The following CHRNB4 variants were observed in gnomAD, a reference collection of about 807,000 sequenced individuals.
CHRNB4 encodes the protein cholinergic receptor nicotinic beta 4 subunit.
CHRNB4 carries 23 observed loss-of-function variants against 40.4 expected under a neutral mutation model. That is an observed-to-expected ratio of 0.57 (90% CI 0.41 to 0.81). The LOEUF (loss-of-function observed/expected upper bound fraction) is 0.81, where lower values mean the gene tolerates loss of function less well. Ranked by LOEUF, CHRNB4 falls within the 30% of genes least tolerant of loss-of-function variation. CHRNB4 has a pLI of 0.00. For synonymous variants in CHRNB4, 285 were observed against 274.4 expected, an observed-to-expected ratio of 1.04 and a Z score of -0.38; for missense variants, 568 against 670.6, an observed-to-expected ratio of 0.85 and a Z score of 1.69.
At chr15:78,636,856 G>A (rs749631265) in intron 1 of CHRNB4, among the ~76,000 whole-genome samples, 8 of 152,126 alleles carry the variant, frequency 5.3e-5, no homozygotes, top group African/African-American at 1.4e-4. Context: ...ACTACATTTC[G>A]AGGGTAACAG....
At chr15:78,649,551 T>A in intron 6 of CHRNB4, 1 of 322,338 alleles carries the variant, frequency 3.1e-6, no homozygotes, top group Admixed American at 4.5e-5. Context: ...AAGCCTAAAA[T>A]ATCTGCTATA....
intron 2 of CHRNB4, chr15:78,634,756 G>A: frequency 2.2e-6 from 1 of 455,992 alleles, no homozygotes; most frequent in South Asian, 1.5e-5. Context: ...ATGGGGACAT[G>A]GGAAGGTTTA....
intron 5 of CHRNB4, among the ~76,000 whole-genome samples, chr15:78,654,451 A>G (rs2054196380): frequency 6.6e-6 from 1 of 152,306 alleles, no homozygotes; most frequent in East Asian, 1.9e-4. Flanking sequence ...GGATTAGGAG[A>G]GACTGCAGAG....
intron 5 of CHRNB4, 145 bp from the exon 6 acceptor site, chr15:78,625,436 G>A (rs1170310783): frequency 4.2e-6 from 3 of 707,618 alleles, no homozygotes; most frequent in African/African-American, 3.5e-5. Context: ...TGAGTCCCAG[G>A]CTGGCCTCCC....
In CHRNB4 at chr15:78,635,571, G is replaced by A. The variant is rs889609314; in HGVS notation, c.72C>T (p.Ala24=). 6.2e-7 allele frequency: 1 copy of A among 1,614,082 alleles called. No individual in the cohort carries two copies. The highest frequency in any genetic ancestry group is 1.3e-5 in the African/African-American group (1 of 75,024). ...ALCGRGNCRV[A]NAEEKLMDDL... is the part of the protein sequence containing the mutation. ...CGTCCATCAGCTTTTCCTCCGCATT[G>A]GCCACGCGGCAGTTCCCTGAGAAAA... Residue 24 remains alanine (A), a synonymous_variant, in exon 2 of 6, where the codon GCC becomes GCT. Transcript: ENST00000261751.
intron 6 of CHRNB4, chr15:78,649,442 A>C: frequency 2.2e-6 from 1 of 454,524 alleles, no homozygotes; most frequent in Non-Finnish European, 4.4e-6. Flanking sequence ...ATCTGGAGCT[A>C]AGAAGAATGG....
chr15:78,654,146 C>A (rs2054194030), intron 5 of CHRNB4, among the ~76,000 whole-genome samples: 1 of 152,184 alleles, frequency 6.6e-6, no homozygotes, highest in Non-Finnish European at 1.5e-5. Context: ...CAGGATCCCT[C>A]CTCTGGATGA....
chr15:78,629,150 G>C lies in CHRNB4; in HGVS notation c.1155C>G (p.Asn385Lys), dbSNP rs2053732215. 1.2e-6 allele frequency: 2 copies of C among 1,614,036 alleles called. No individual in the cohort carries two copies. Among genetic ancestry groups the C allele is most frequent in the East Asian group, 2.2e-5 (1 of 44,894 alleles). The part of the protein sequence containing the change: ...TSTSPSNFYG[N>K]SMYFVNPASA... ...AGGCGGGGTTCACAAAGTACATGGA[G>C]TTCCCATAGAAGTTGGAGGGGCTGG... The change falls in exon 5 of 6, where the codon AAC becomes AAG. Residue 385 changes from asparagine to lysine, a missense_variant. Around this residue, in one of 4 missense-constraint regions of CHRNB4, gnomAD observed 242 missense variants for 274.9 expected, o/e 0.88. Transcript: ENST00000261751. The surrounding 1 kb of genome is among the most constrained non-coding windows in gnomAD (Gnocchi z 6.8).
At chr15:78,659,114 G>T (rs1014540827) in intron 1 of CHRNB4, among the ~76,000 whole-genome samples, 1 of 152,166 alleles carries the variant, frequency 6.6e-6, no homozygotes, top group African/African-American at 2.4e-5. Context: ...GGGGGTGTAA[G>T]ATGGGGAGAC....
intron 7 of CHRNB4, among the ~76,000 whole-genome samples, chr15:78,648,935 C>A (rs1185549047): frequency 2.6e-5 from 4 of 152,024 alleles, no homozygotes; most frequent in Non-Finnish European, 4.4e-5. Flanking sequence ...TGCCACCACA[C>A]CTGGCTAATT....
rs564523976 is a variant in CHRNB4, at chr15:78,624,899, A to G, written c.*234T>C. On this transcript the variant is annotated 3_prime_UTR_variant, in exon 6 of 6. Transcript: ENST00000261751. ...GTGCAGGGAAGGAAGACAGGCCAGA[A>G]TTGAACTGTCTGAAGCTCCCTCCTA... 2.0e-4 allele frequency: 289 copies of G among 1,410,806 alleles called. 1 individual carries two copies. The South Asian group carries it at 3.2e-3, about 16-fold the overall frequency. The allele number at this position is 1,410,806 out of a possible 1,614,324, so 87.4% of individuals were successfully genotyped here.
chr15:78,659,248 G>A (rs1259159571), intron 1 of CHRNB4, among the ~76,000 whole-genome samples: 1 of 152,100 alleles, frequency 6.6e-6, no homozygotes, highest in African/African-American at 2.4e-5. Flanking sequence ...GGGCAACATG[G>A]TTAAACCCCA....
chr15:78,643,128 A>G (rs1567135395), upstream of CHRNB4, among the ~76,000 whole-genome samples: 1 of 151,518 alleles, frequency 6.6e-6, no homozygotes, highest in East Asian at 1.9e-4. Flanking sequence ...ATGGATTCCA[A>G]AATTTTAAAT....
intron 2 of CHRNB4, among the ~76,000 whole-genome samples, chr15:78,632,564 G>T (rs1323062407): frequency 6.6e-6 from 1 of 152,014 alleles, no homozygotes; most frequent in Non-Finnish European, 1.5e-5. Flanking sequence ...ATGCATCTCA[G>T]CCTCCCAAAG....
chr15:78,635,579 G>GGCA lies in CHRNB4; in HGVS notation c.61_63dup (p.Cys21dup), dbSNP rs755051373. On this transcript the variant is annotated inframe_insertion, in exon 2 of 6. Coordinates refer to ENST00000261751, the MANE Select transcript of CHRNB4 (RefSeq NM_000750.5). The stretch of plus-strand genomic sequence containing the variant: ...AGCTTTTCCTCCGCATTGGCCACGC[G>GGCA]GCAGTTCCCTGAGAAAACACACAGT... 120 of 1,613,932 alleles carry GGCA rather than the reference G, an allele frequency of 7.4e-5. No individual in the cohort carries two copies. Among genetic ancestry groups the GGCA allele is most frequent in the Middle Eastern group, 6.6e-4 (4 of 6,082 alleles).
chr15:78,629,395 C>G lies in CHRNB4; in HGVS notation c.910G>C (p.Val304Leu), dbSNP rs758697498. The stretch of plus-strand genomic sequence containing the variant: ...GTGACGATGGAGAAGGTGACCAGCA[C>G]CATGGTGAACATGAGGTACTTGCCG... ...LIGKYLMFTM[V>L]LVTFSIVTSV... Residue 304 changes from valine (V) to leucine (L), a missense_variant, in exon 5 of 6, where the codon GTG becomes CTG. Val to Leu is a conservative substitution (Grantham distance 32). Around this residue, in one of 4 missense-constraint regions of CHRNB4, gnomAD observed 242 missense variants for 274.9 expected, o/e 0.88. Coordinates refer to ENST00000261751, the MANE Select transcript of CHRNB4 (RefSeq NM_000750.5). The surrounding 1 kb of genome is among the most constrained non-coding windows in gnomAD (Gnocchi z 6.8). The G allele has an allele frequency of 6.2e-7, 1 of 1,613,928 alleles. No homozygotes were observed. Among genetic ancestry groups the G allele is most frequent in the Non-Finnish European group, 8.5e-7 (1 of 1,180,016 alleles).
Position 78,629,954 on chromosome 15 carries a change from G to C in CHRNB4, c.360-9C>G. On this transcript the variant is annotated splice_polypyrimidine_tract_variant and intron_variant, in intron 4 of 5. Coordinates refer to ENST00000261751, the MANE Select transcript of CHRNB4 (RefSeq NM_000750.5). The surrounding 1 kb of genome is among the most constrained non-coding windows in gnomAD (Gnocchi z 6.8). ...CATAGGTCCCGTCGGCGCTGGGCAGGGTCAGGGCATGGAGAACATCGTGAA... is the reference window on the plus strand; with the variant it reads ...CATAGGTCCCGTCGGCGCTGGGCAGCGTCAGGGCATGGAGAACATCGTGAA... 6.4e-7 allele frequency: 1 copy of C among 1,554,378 alleles called. No individual in the cohort carries two copies. Among genetic ancestry groups the C allele is most frequent in the Non-Finnish European group, 8.7e-7 (1 of 1,155,790 alleles).
chr15:78,634,305 T>C (rs1434016931), intron 2 of CHRNB4, among the ~76,000 whole-genome samples: 1 of 152,110 alleles, frequency 6.6e-6, no homozygotes, highest in Non-Finnish European at 1.5e-5. Context: ...TCACCCTCAC[T>C]AGGGCAGCAG....
Position 78,629,438 on chromosome 15 carries a change from G to A in CHRNB4, c.867C>T (p.Ser289=), listed in dbSNP as rs1165252545. 7 of 1,613,986 alleles carry A rather than the reference G, an allele frequency of 4.3e-6. No individual in the cohort carries two copies. The highest frequency in any genetic ancestry group is 5.9e-6 in the Non-Finnish European group (7 of 1,179,992). ...ACTTGCCGATGAGAGGCACATCGAGGGAGGTGGGTGGCACGATCTTGGAGA... is the reference window on the plus strand; with the variant it reads ...ACTTGCCGATGAGAGGCACATCGAGAGAGGTGGGTGGCACGATCTTGGAGA... ...LLISKIVPPT[S]LDVPLIGKYL... The change falls in exon 5 of 6, where the codon TCC becomes TCT. Residue 289 remains serine (S), a synonymous_variant. Coordinates refer to ENST00000261751, the MANE Select transcript of CHRNB4 (RefSeq NM_000750.5). The surrounding 1 kb of genome is among the most constrained non-coding windows in gnomAD (Gnocchi z 6.8).
Sources: gnomAD v4.1 joint callset for allele counts (sites outside exome capture counted in the v4.1 genomes callset) on GRCh38, gnomAD v4.1.1 for gene constraint, gnomAD v4.1.1 regional missense constraint, Gnocchi (gnomAD v3.1) non-coding constraint, MANE v1.5 for transcripts, NCBI Gene and HGNC (gene_info 2026-07-23, HGNC 2026-07-21) for gene names.